Variants in AR observed in about 807,000 individuals in gnomAD.
The protein encoded by AR is dihydrotestosterone receptor.
AR carries 8 observed loss-of-function variants against 53.9 expected under a neutral mutation model. That is an observed-to-expected ratio of 0.15 (90% confidence interval 0.09 to 0.27). AR has a LOEUF of 0.27. Ranked by LOEUF, AR falls within the 10% of genes least tolerant of loss-of-function variation. The probability of loss-of-function intolerance (pLI) is 1.00; values close to 1 mark genes in which losing one functional copy is unlikely to be tolerated. For synonymous variants in AR, 359 were observed against 316.4 expected (o/e 1.13, Z -1.43); for missense variants, 639 against 742.5 (o/e 0.86, Z 1.62).
chrX:67,686,527 C>T (rs889558038), intron 3 of AR, among the ~76,000 whole-genome samples: 1 of 110,597 alleles, frequency 9.0e-6, no homozygotes, highest in African/African-American at 3.3e-5. Flanking sequence ...GGCATAGGCG[C>T]AGGATGACCC....
chrX:67,728,574 A>AATTATAT lies in AR; in HGVS notation c.*4735_*4736insTATATAT, dbSNP rs2076167278. ...ATTTGTATCCATGTTTCAAAATTGA[A>AATTATAT]ATATATATATATATATATATATATA... On this transcript the variant is annotated 3_prime_UTR_variant, in exon 8 of 8. Transcript: ENST00000374690. The AATTATAT allele has an allele frequency of 3.4e-5, 1 of 29,775 alleles. No homozygotes were observed. Among genetic ancestry groups the AATTATAT allele is most frequent in the Non-Finnish European group, 5.6e-5 (1 of 17,829 alleles). 2.5% of individuals were successfully genotyped at this position (29,775 alleles called of 1,213,427 possible).
intron 1 of AR, among the ~76,000 whole-genome samples, chrX:67,623,643 A>T (rs1344967754): frequency 9.0e-6 from 1 of 111,245 alleles, no homozygotes; most frequent in Non-Finnish European, 1.9e-5. Context: ...AAAGACTAAA[A>T]GGGAAATAAA....
intron 1 of AR, among the ~76,000 whole-genome samples, chrX:67,601,598 G>T (rs1297932171): frequency 1.8e-5 from 2 of 111,714 alleles, no homozygotes; most frequent in African/African-American, 6.5e-5. Flanking sequence ...TGTATGATAG[G>T]TACTTCTACA....
Position 67,728,615 on chromosome X carries a change from A to ATATATATATATATATATT in AR, c.*4774_*4775insTATATATATATATATATT, listed in dbSNP as rs1555999011. 2.2e-5 allele frequency: 2 copies of ATATATATATATATATATT among 92,875 alleles called. No individual in the cohort carries two copies. Among genetic ancestry groups the ATATATATATATATATATT allele is most frequent in the South Asian group, 6.0e-4 (1 of 1,672 alleles). 7.7% of individuals were successfully genotyped at this position (92,875 alleles called of 1,213,427 possible). ...TATATATATATATATATATATATAT[A>ATATATATATATATATATT]GTGTGTGTGTGTGTTCTGATAGCTT... On this transcript the variant is annotated 3_prime_UTR_variant, in exon 8 of 8. Transcript: ENST00000374690.
intron 1 of AR, among the ~76,000 whole-genome samples, chrX:67,611,824 G>A (rs974437375): frequency 1.1e-4 from 12 of 111,952 alleles, no homozygotes; most frequent in Admixed American, 4.7e-4. Flanking sequence ...TCTCCAGTAA[G>A]CTAATGGCAA....
chrX:67,704,390 T>A (rs1483427948), intron 3 of AR, among the ~76,000 whole-genome samples: 3 of 112,616 alleles, frequency 2.7e-5, no homozygotes, highest in Non-Finnish European at 5.6e-5. Flanking sequence ...ATTTCTCTGA[T>A]GGCCAGTGAT....
intron 1 of AR, among the ~76,000 whole-genome samples, chrX:67,560,897 A>G (rs1306530660): frequency 4.5e-5 from 5 of 112,140 alleles, no homozygotes; most frequent in Non-Finnish European, 9.4e-5. Context: ...ATATGGTTGA[A>G]AGAATGTTGG....
chrX:67,678,489 G>T (rs763629047), intron 2 of AR, among the ~76,000 whole-genome samples: 1 of 111,524 alleles, frequency 9.0e-6, no homozygotes, highest in South Asian at 3.8e-4. Flanking sequence ...TTTCATTAAA[G>T]GCTATATAGT....
At chrX:67,659,533 C>T (rs1294940990) in intron 2 of AR, among the ~76,000 whole-genome samples, 16 of 111,351 alleles carry the variant, frequency 1.4e-4, no homozygotes, top group African/African-American at 4.9e-4. Context: ...CATGTCCCTA[C>T]AAAGGACATG....
intron 1 of AR, chrX:67,568,808 T>C: frequency 9.1e-7 from 1 of 1,096,187 alleles, no homozygotes; most frequent in Non-Finnish European, 1.2e-6. Flanking sequence ...TTATCAGCTC[T>C]GATTTGCCAA....
chrX:67,631,983 G>A (rs1460379890), intron 1 of AR, among the ~76,000 whole-genome samples: 2 of 113,347 alleles, frequency 1.8e-5, no homozygotes, highest in Non-Finnish European at 3.7e-5. Context: ...ACTTGAGGAG[G>A]CAGTCTGCCC....
intron 1 of AR, among the ~76,000 whole-genome samples, chrX:67,574,953 A>G (rs770413380): frequency 8.9e-6 from 1 of 111,744 alleles, no homozygotes; most frequent in Non-Finnish European, 1.9e-5. Context: ...AAACCCAAAT[A>G]ATAGAGCCAA....
chrX:67,552,808 A>C (rs1187004938), intron 1 of AR, among the ~76,000 whole-genome samples: 1 of 111,780 alleles, frequency 8.9e-6, no homozygotes, highest in African/African-American at 3.2e-5. Flanking sequence ...TTCAGTATCC[A>C]TGTTCTTATT....
chrX:67,709,068 G>T (rs1403140822), intron 3 of AR, among the ~76,000 whole-genome samples: 1 of 112,222 alleles, frequency 8.9e-6, no homozygotes, highest in Admixed American at 9.4e-5. Context: ...GTGTCTCCCA[G>T]TTAGGCTACT....
At chrX:67,698,604 AG>A (rs2076030390) in intron 3 of AR, among the ~76,000 whole-genome samples, 1 of 112,956 alleles carries the variant, frequency 8.9e-6, no homozygotes, top group Non-Finnish European at 1.9e-5. Flanking sequence ...AGCCTAGTCT[AG>A]CTTCACAAAG....
chrX:67,660,930 G>GCA (rs1926872924), intron 2 of AR, among the ~76,000 whole-genome samples: 2 of 111,237 alleles, frequency 1.8e-5, no homozygotes, highest in African/African-American at 3.3e-5. Context: ...GGTCCTTCAA[G>GCA]TCCCTTGTAA....
At chrX:67,661,457 A>C (rs755920789) in intron 2 of AR, among the ~76,000 whole-genome samples, 1 of 111,759 alleles carries the variant, frequency 8.9e-6, no homozygotes, top group Admixed American at 9.5e-5. Context: ...CCTTTTCTGC[A>C]TCTATTGAGA....
intron 2 of AR, among the ~76,000 whole-genome samples, chrX:67,676,537 G>T (rs2075901151): frequency 8.9e-6 from 1 of 111,991 alleles, no homozygotes; most frequent in Non-Finnish European, 1.9e-5. Flanking sequence ...ATACCATGGG[G>T]TGTGCCTTCC....
chrX:67,705,711 C>T (rs2076063713), intron 3 of AR, among the ~76,000 whole-genome samples: 1 of 111,562 alleles, frequency 9.0e-6, no homozygotes, highest in Non-Finnish European at 1.9e-5. Context: ...AGAGGGCATC[C>T]CTGTCTTGTG....
Sources: allele counts gnomAD v4.1 joint callset (sites outside exome capture counted in the v4.1 genomes callset), GRCh38; gene constraint gnomAD v4.1.1; transcripts MANE v1.5; gene names NCBI Gene and HGNC (gene_info 2026-07-23, HGNC 2026-07-21).